VPS45: variants seen among roughly 807,000 people sequenced by gnomAD.
The protein encoded by VPS45 is vacuolar protein sorting 45 homolog.
Under a neutral mutation model 75.9 loss-of-function variants are expected in VPS45, and 35 were observed. That is an observed-to-expected ratio of 0.46 (90% CI 0.35 to 0.61). The LOEUF (loss-of-function observed/expected upper bound fraction) is 0.61. VPS45 is among the 20% of genes least tolerant of loss of function. VPS45 has a pLI of 0.00. For missense variants in VPS45, 559 were observed against 685.9 expected (o/e 0.81, Z 2.07); for synonymous variants, 220 against 238.2 (o/e 0.92, Z 0.70).
chr1:150,130,895 C>G (rs1553812224), intron 14 of VPS45, among the ~76,000 whole-genome samples: 2 of 151,958 alleles, frequency 1.3e-5, no homozygotes, highest in African/African-American at 4.8e-5. Context: ...CTTCATGATC[C>G]AAGAAGTGAG....
At chr1:150,102,121 C>T (rs1163652471) in intron 13 of VPS45, among the ~76,000 whole-genome samples, 2 of 150,564 alleles carry the variant, frequency 1.3e-5, no homozygotes, top group Non-Finnish European at 3.0e-5. Context: ...GCCTGTAATC[C>T]CAGCTACTCG....
chr1:150,074,955 CTTTTTTTTTTTT>C lies in VPS45; in HGVS notation c.290-1265_290-1254del, dbSNP rs782039324. Among the ~76,000 whole-genome samples the C allele has an allele frequency of 4.2e-4, 34 of 81,116 alleles. No individual in the cohort carries two copies. The East Asian group carries it at 0.011, about 26-fold the overall frequency. The allele number at this position is 81,116 out of a possible 152,430, so 53.2% of individuals were successfully genotyped here. On this transcript the variant is annotated intron_variant, in intron 3 of 14. Coordinates refer to ENST00000644510, the MANE Select transcript of VPS45 (RefSeq NM_007259.5). Reference sequence around the variant, plus strand: ...TAAAAGTGAAAAATAATTATTTATTCTTTTTTTTTTTTTTTTTTTTTTTTGAGACACAGTCTC... The same window carrying C: ...TAAAAGTGAAAAATAATTATTTATTCTTTTTTTTTTTTGAGACACAGTCTC...
At chr1:150,142,971 T>C (rs1553815712) in intron 14 of VPS45, 1 of 335,572 alleles carries the variant, frequency 3.0e-6, no homozygotes, top group Non-Finnish European at 6.0e-6. Context: ...ACTTTTATAT[T>C]ATAAAGAAGG....
At chr1:150,127,817 AAGAT>A (rs1658595413) in intron 14 of VPS45, among the ~76,000 whole-genome samples, 1 of 152,232 alleles carries the variant, frequency 6.6e-6, no homozygotes, top group Non-Finnish European at 1.5e-5. Flanking sequence ...TGTCACCTAT[AAGAT>A]AGGCAAAATA....
At chr1:150,104,733 G>T (rs587632121) in intron 13 of VPS45, among the ~76,000 whole-genome samples, 1 of 152,020 alleles carries the variant, frequency 6.6e-6, no homozygotes, top group Non-Finnish European at 1.5e-5. Context: ...TGAGACTATA[G>T]GGGAAAGCCA....
At chr1:150,117,286 C>G (rs1657989046) in intron 14 of VPS45, among the ~76,000 whole-genome samples, 1 of 151,232 alleles carries the variant, frequency 6.6e-6, no homozygotes, top group African/African-American at 2.4e-5. Context: ...CTTTGGGAGG[C>G]CAAGGTGGGC....
chr1:150,107,217 T>C (rs1400837308), intron 13 of VPS45, among the ~76,000 whole-genome samples: 1 of 152,202 alleles, frequency 6.6e-6, no homozygotes, highest in Non-Finnish European at 1.5e-5. Context: ...GGGAAAGCAC[T>C]AGACCTGAAT....
intron 14 of VPS45, among the ~76,000 whole-genome samples, chr1:150,115,049 A>G (rs973828573): frequency 2.0e-5 from 3 of 152,172 alleles, no homozygotes; most frequent in African/African-American, 2.4e-5. Flanking sequence ...GGAATGCTGT[A>G]TTACTTGGTA....
chr1:150,108,857 A>G (rs1369269909), intron 13 of VPS45, among the ~76,000 whole-genome samples: 1 of 152,100 alleles, frequency 6.6e-6, no homozygotes, highest in Non-Finnish European at 1.5e-5. Context: ...CTCAGGCCCT[A>G]ATACTCACTG....
chr1:150,081,215 T>G (rs1655681820), intron 7 of VPS45, 127 bp from the exon 8 acceptor site: 2 of 951,690 alleles, frequency 2.1e-6, no homozygotes, highest in African/African-American at 3.5e-5. Flanking sequence ...TGAATAAAAT[T>G]TAACTCGAGA....
chr1:150,076,982 C>T lies in VPS45; in HGVS notation c.436C>T (p.Gln146Ter). 1.2e-6 allele frequency: 2 copies of T among 1,613,910 alleles called. No homozygotes were observed. Among genetic ancestry groups the T allele is most frequent in the Non-Finnish European group, 1.7e-6 (2 of 1,179,970 alleles). The change falls in exon 5 of 15, where the codon CAG becomes TAG. Residue 146 changes from glutamine to a stop codon, truncating the protein, a stop_gained and splice_region_variant. Transcript: ENST00000644510. LOFTEE classifies it high-confidence loss of function. ...TTCCCTCAATATTTTGGGTTGCTGC[C>T]AGGTATGGAAGGAAAGGTTTAATTT... ...LFSLNILGCCQGRNWDPAQLS... is the reference protein window; with the variant it reads ...LFSLNILGCC
chr1:150,124,203 G>A lies in VPS45; in HGVS notation c.1625+13576G>A, dbSNP rs186844508. Among the ~76,000 whole-genome samples the A allele has an allele frequency of 2.1e-3, 327 of 152,232 alleles. 1 individual carries two copies. Among genetic ancestry groups the A allele is most frequent in the Middle Eastern group, 0.01 (3 of 294 alleles). ...AGGCTGAACACGGTGGCTTACTCCT[G>A]TAATCCCAGCACTTTGGGAGGCCGA... On this transcript the variant is annotated intron_variant, in intron 14 of 14. Transcript: ENST00000644510.
chr1:150,099,609 G>A (rs376846471), intron 13 of VPS45, among the ~76,000 whole-genome samples: 44 of 151,828 alleles, frequency 2.9e-4, no homozygotes, highest in Middle Eastern at 3.4e-3. Context: ...CAAGGCGGGC[G>A]GATCATGAGG....
chr1:150,142,662 G>T (rs1422805330), intron 14 of VPS45, among the ~76,000 whole-genome samples: 2 of 152,114 alleles, frequency 1.3e-5, no homozygotes, highest in Non-Finnish European at 2.9e-5. Context: ...ATAACTTGTT[G>T]TTGTTGCTGT....
At chr1:150,067,977 T>C (rs782777979) in intron 1 of VPS45, 27 bp downstream of exon 1, 2 of 1,601,010 alleles carry the variant, frequency 1.2e-6, no homozygotes, top group East Asian at 4.5e-5. Flanking sequence ...TCAGCATTTG[T>C]GAAGGAACCC....
rs1272765535 is a variant in VPS45, at chr1:150,082,093, T to C, written c.936+96T>C. The C allele has an allele frequency of 6.8e-6, 5 of 730,064 alleles. No individual in the cohort carries two copies. In the African/African-American group the frequency reaches 7.2e-5, roughly 10 times the overall value. 45.2% of individuals were successfully genotyped at this position (730,064 alleles called of 1,614,324 possible). A position where few individuals can be genotyped will look rare whatever the true frequency, so the allele number is the denominator to read the frequency against. On this transcript the variant is annotated intron_variant, in intron 9 of 14. Transcript: ENST00000644510. ...GAATCTTCTGGGTCTAATTTCTACC[T>C]TGATTGATTTTATTTGGTTTGAGAC...
chr1:150,083,265 T>A (rs1409243321), intron 10 of VPS45: 1 of 159,092 alleles, frequency 6.3e-6, no homozygotes, highest in Non-Finnish European at 1.4e-5. Context: ...TCTCACAGAG[T>A]GGTTAGGAAG....
At chr1:150,096,897 CAGG>C (rs1181732996) in intron 13 of VPS45, among the ~76,000 whole-genome samples, 38 of 151,882 alleles carry the variant, frequency 2.5e-4, no homozygotes, top group Admixed American at 2.5e-3. Flanking sequence ...ATACTTAAGC[CAGG>C]ATGTTCACTG....
intron 4 of VPS45, chr1:150,076,654 T>C (rs1172875242): frequency 1.9e-6 from 1 of 534,124 alleles, no homozygotes; most frequent in Non-Finnish European, 3.3e-6. Context: ...TTGATAAGTA[T>C]GCATAGAGGT....
Sources: gnomAD v4.1 joint callset for allele counts (sites outside exome capture counted in the v4.1 genomes callset) on GRCh38, gnomAD v4.1.1 for gene constraint, MANE v1.5 for transcripts, NCBI Gene and HGNC (gene_info 2026-07-23, HGNC 2026-07-21) for gene names.